The following SASH1 variants were observed in gnomAD, a reference collection of about 807,000 sequenced individuals.
The protein encoded by SASH1 is SAM and SH3 domain containing 1.
SASH1 carries 44 observed loss-of-function variants against 125.2 expected under a neutral mutation model. That is an observed-to-expected ratio of 0.35 (90% CI 0.28 to 0.45). The LOEUF is 0.45. SASH1 is among the 20% of genes least tolerant of loss of function. SASH1 has a pLI of 1.00. For missense variants in SASH1, 1,426 were observed against 1,614.5 expected, an observed-to-expected ratio of 0.88 and a Z score of 2.00; for synonymous variants, 639 against 649.1, an observed-to-expected ratio of 0.98 and a Z score of 0.24.
intron 1 of SASH1, among the ~76,000 whole-genome samples, chr6:148,350,842 T>G (rs981176203): frequency 2.6e-5 from 4 of 152,230 alleles, no homozygotes; most frequent in Non-Finnish European, 5.9e-5. Context: ...TAAAATGTAT[T>G]TTTTGAGTAC....
intron 1 of SASH1, among the ~76,000 whole-genome samples, chr6:148,335,131 G>A (rs1562330904): frequency 1.3e-5 from 2 of 150,664 alleles, no homozygotes; most frequent in Admixed American, 6.6e-5. Flanking sequence ...AACCCTGTCT[G>A]TACTAAAAAT....
chr6:148,399,473 G>A (rs139622484), intron 2 of SASH1, among the ~76,000 whole-genome samples: 9 of 152,024 alleles, frequency 5.9e-5, no homozygotes, highest in South Asian at 2.1e-4. Flanking sequence ...TGAGCCACCC[G>A]CGTCAGCCCC....
At position 148,434,221 on chromosome 6, in the gene SASH1, C is replaced by T. The variant is rs549330814; in HGVS notation, c.286-5963C>T. 4.0e-5 allele frequency among the ~76,000 whole-genome samples: 6 copies of T among 151,826 alleles called. No homozygotes were observed. In the Middle Eastern group the frequency reaches 0.01, roughly 258 times the overall value. ...CCTCCCGAGTAGCTGGGACTACAGG[C>T]GCCCGCCACCACGCCAGGCTAATTT... On this transcript the variant is annotated intron_variant, in intron 2 of 19. Coordinates refer to ENST00000367467, the MANE Select transcript of SASH1 (RefSeq NM_015278.5).
At chr6:148,387,250 T>C (rs1057424706) in intron 1 of SASH1, among the ~76,000 whole-genome samples, 2 of 151,790 alleles carry the variant, frequency 1.3e-5, no homozygotes, top group African/African-American at 4.8e-5. Context: ...CCAAAGTAGC[T>C]GGGACTACAG....
At chr6:148,319,260 C>T (rs1780576530) in intron 1 of SASH1, among the ~76,000 whole-genome samples, 2 of 151,780 alleles carry the variant, frequency 1.3e-5, no homozygotes, top group Admixed American at 6.6e-5. Context: ...TGGTCTTGAT[C>T]TCCTGACCTC....
At chr6:148,288,451 A>G (rs896844219) in intron 1 of SASH1, among the ~76,000 whole-genome samples, 10 of 152,256 alleles carry the variant, frequency 6.6e-5, no homozygotes, top group Admixed American at 2.0e-4. Context: ...ATAATTAAAA[A>G]TATAGAAATA....
chr6:148,267,463 C>T (rs1934576304), upstream of SASH1, among the ~76,000 whole-genome samples: 1 of 151,664 alleles, frequency 6.6e-6, no homozygotes, highest in Admixed American at 6.6e-5. Flanking sequence ...ACTGCAAGCT[C>T]CACCTCCTGA....
intron 16 of SASH1, among the ~76,000 whole-genome samples, chr6:148,539,143 T>C (rs578257468): frequency 9.2e-5 from 14 of 152,046 alleles, no homozygotes; most frequent in Non-Finnish European, 1.8e-4. Context: ...TGACAAATAA[T>C]GATGCTTCTC....
chr6:148,290,674 C>T (rs1047153820), intron 1 of SASH1, among the ~76,000 whole-genome samples: 3 of 151,496 alleles, frequency 2.0e-5, no homozygotes, highest in Admixed American at 1.3e-4. Flanking sequence ...GCAGCATACT[C>T]GTTAAGAGTC....
chr6:148,513,246 A>T (rs1780251435), intron 8 of SASH1: 1 of 985,386 alleles, frequency 1.0e-6, no homozygotes, highest in Non-Finnish European at 1.2e-6. Flanking sequence ...TGAGGCATTT[A>T]TCTTCCTACT....
Position 148,519,498 on chromosome 6 carries a change from C to T in SASH1, c.863-49C>T. ...TGGTGAATGTAAAGAAAGATGTATG[C>T]AAGAATGCAAAGGTGTGTTCACAAG... On this transcript the variant is annotated intron_variant, in intron 9 of 19. Transcript: ENST00000367467. This position sits in a 1 kb window ranked among gnomAD's most constrained non-coding sequence, Gnocchi z 4.8. 1 of 1,390,524 alleles carries T rather than the reference C, an allele frequency of 7.2e-7. No homozygotes were observed. Among genetic ancestry groups the T allele is most frequent in the Non-Finnish European group, 1.0e-6 (1 of 992,406 alleles). The allele number at this position is 1,390,524 out of a possible 1,614,324, so 86.1% of individuals were successfully genotyped here.
chr6:148,208,115 A>C, the SASH1 span, among the ~76,000 whole-genome samples: 1 of 152,180 alleles, frequency 6.6e-6, no homozygotes, highest in African/African-American at 2.4e-5. Flanking sequence ...TGTGGTGCCC[A>C]GCCTCTTCTG....
At chr6:148,416,513 C>T (rs1784824485) in intron 2 of SASH1, among the ~76,000 whole-genome samples, 1 of 152,100 alleles carries the variant, frequency 6.6e-6, no homozygotes, top group Non-Finnish European at 1.5e-5. Context: ...GTGTGAGATC[C>T]TGGACGACAT....
the SASH1 span, among the ~76,000 whole-genome samples, chr6:148,200,557 C>T: frequency 6.6e-6 from 1 of 152,200 alleles, no homozygotes; most frequent in East Asian, 1.9e-4. Context: ...GATCCAAGTG[C>T]GTGCCAAGGC....
chr6:148,426,213 A>AAAATAAAT (rs34907635), intron 2 of SASH1, among the ~76,000 whole-genome samples: 82 of 151,534 alleles, frequency 5.4e-4, no homozygotes, highest in Non-Finnish European at 9.0e-4. Flanking sequence ...ACTCCATCTC[A>AAAATAAAT]AAATAAATAA....
At chr6:148,428,540 A>T (rs1209449867) in intron 2 of SASH1, among the ~76,000 whole-genome samples, 3 of 148,642 alleles carry the variant, frequency 2.0e-5, no homozygotes, top group African/African-American at 7.4e-5. Flanking sequence ...GAGGGAGGAG[A>T]ATTGCTTGAA....
At chr6:148,235,190 T>C in the SASH1 span, among the ~76,000 whole-genome samples, 1 of 152,136 alleles carries the variant, frequency 6.6e-6, no homozygotes, top group South Asian at 2.1e-4. Flanking sequence ...AACGTAAGTG[T>C]TAAAAGACAA....
chr6:148,417,377 G>A (rs1466557482), intron 2 of SASH1, among the ~76,000 whole-genome samples: 1 of 152,112 alleles, frequency 6.6e-6, no homozygotes, highest in Non-Finnish European at 1.5e-5. Context: ...ACAAGGTCAA[G>A]AGATTGAGAC....
At chr6:148,449,088 T>TC (rs1562420110) in intron 4 of SASH1, among the ~76,000 whole-genome samples, 2 of 143,566 alleles carry the variant, frequency 1.4e-5, no homozygotes, top group Non-Finnish European at 3.1e-5. Flanking sequence ...CTTTTTTTTT[T>TC]TTTTTGGAGA....
Sources: allele counts gnomAD v4.1 joint callset (sites outside exome capture counted in the v4.1 genomes callset), GRCh38; gene constraint gnomAD v4.1.1; non-coding constraint Gnocchi (gnomAD v3.1); transcripts MANE v1.5; gene names NCBI Gene and HGNC (gene_info 2026-07-23, HGNC 2026-07-21).